The following PASD1 variants were observed in gnomAD, a reference collection of about 807,000 sequenced individuals.
The protein encoded by PASD1 is PAS domain containing repressor 1.
A neutral mutation model predicts 58.8 loss-of-function variants in PASD1; 13 were observed. That is an observed-to-expected ratio of 0.22 (90% CI 0.14 to 0.35). The LOEUF is 0.35. Ranked by LOEUF, PASD1 falls within the 10% of genes least tolerant of loss-of-function variation. PASD1 has a pLI of 1.00. For missense variants in PASD1, 734 were observed against 568.3 expected (o/e 1.29, Z -2.96); for synonymous variants, 236 against 216.7 (o/e 1.09, Z -0.78).
At chrX:151,581,355 C>CCAATG (rs766437552) in intron 1 of PASD1, among the ~76,000 whole-genome samples, 3,188 of 109,246 alleles carry the variant, frequency 0.029, 53 homozygotes, top group Non-Finnish European at 0.043. Context: ...CTTTGGGAGA[C>CCAATG]CAATGCAGGA....
rs2014467686 is a variant in PASD1 at position 151,671,479 on chromosome X, C to T, written c.1231-94C>T. 3.9e-6 allele frequency: 4 copies of T among 1,023,048 alleles called. No homozygotes were observed. In the Admixed American group the frequency reaches 9.5e-5, roughly 24 times the overall value. 84.3% of individuals were successfully genotyped at this position (1,023,048 alleles called of 1,213,427 possible). On this transcript the variant is annotated intron_variant, in intron 12 of 15. Coordinates refer to ENST00000370357, the MANE Select transcript of PASD1 (RefSeq NM_173493.3). Reference sequence around the variant, plus strand: ...TAGCCAAGGCTTCCTGTAGGCTTGCCTGTGGGCAGTCCTGCTCCATGCCCA... The same window carrying T: ...TAGCCAAGGCTTCCTGTAGGCTTGCTTGTGGGCAGTCCTGCTCCATGCCCA...
intron 1 of PASD1, among the ~76,000 whole-genome samples, chrX:151,564,502 T>TAAA: frequency 9.0e-6 from 1 of 111,035 alleles, no homozygotes; most frequent in East Asian, 2.8e-4. Context: ...TGGGCACACT[T>TAAA]ACACGGAGAG....
chrX:151,612,716 A>G (rs887439415), intron 4 of PASD1, among the ~76,000 whole-genome samples: 2 of 111,341 alleles, frequency 1.8e-5, no homozygotes, highest in African/African-American at 6.6e-5. Flanking sequence ...TCTGGATATT[A>G]GCCCTTTGTC....
chrX:151,673,563 G>C, intron 14 of PASD1: 1 of 246,468 alleles, frequency 4.1e-6, no homozygotes, highest in Non-Finnish European at 7.2e-6. Context: ...GAGAGCACTG[G>C]ATTTGGAGTT....
chrX:151,613,904 T>C lies in PASD1; in HGVS notation c.207+2151T>C, dbSNP rs1185667132. On this transcript the variant is annotated intron_variant, in intron 4 of 15. Coordinates refer to ENST00000370357, the MANE Select transcript of PASD1 (RefSeq NM_173493.3). ...TCGAAGATTAAGGTGCCAAGAGATT[T>C]GGTGTCTAGTGAGGGCCCAATCTCT... Among the ~76,000 whole-genome samples, 4 of 111,580 alleles carry C rather than the reference T, an allele frequency of 3.6e-5. No individual in the cohort carries two copies. In the Admixed American group the frequency reaches 3.8e-4, roughly 11 times the overall value.
chrX:151,575,561 A>G (rs2012991370), intron 1 of PASD1, among the ~76,000 whole-genome samples: 1 of 111,720 alleles, frequency 9.0e-6, no homozygotes, highest in Non-Finnish European at 1.9e-5. Flanking sequence ...ATATTTTACT[A>G]TGTACTTGTA....
At chrX:151,635,660 AC>A (rs2013922069) in intron 8 of PASD1, among the ~76,000 whole-genome samples, 2 of 112,111 alleles carry the variant, frequency 1.8e-5, no homozygotes, top group South Asian at 7.4e-4. Context: ...CAAAAAGAAA[AC>A]CTTCTAAATT....
chrX:151,627,744 G>A (rs1336317301), intron 8 of PASD1, among the ~76,000 whole-genome samples: 4 of 111,642 alleles, frequency 3.6e-5, no homozygotes, highest in African/African-American at 1.3e-4. Flanking sequence ...TGGGTCAAAT[G>A]GTATTTCTAG....
chrX:151,594,268 C>T (rs767965544), intron 1 of PASD1, among the ~76,000 whole-genome samples: 5 of 111,759 alleles, frequency 4.5e-5, no homozygotes, highest in Admixed American at 9.5e-5. Flanking sequence ...CCACCGTGCC[C>T]GGCTGATAAT....
At chrX:151,581,241 A>AAAAG (rs1344291560) in intron 1 of PASD1, among the ~76,000 whole-genome samples, 1 of 102,363 alleles carries the variant, frequency 9.8e-6, no homozygotes, top group African/African-American at 3.4e-5. Flanking sequence ...AAAAAAAAAA[A>AAAAG]AAAAAAAAAA....
At chrX:151,604,531 C>A in intron 2 of PASD1, 115 bp from the exon 3 acceptor site, 2 of 489,255 alleles carry the variant, frequency 4.1e-6, no homozygotes, top group Non-Finnish European at 6.9e-6. Flanking sequence ...TAGCACTCAG[C>A]ATTTTCTCAT....
At chrX:151,671,373 G>A (rs1470012525) in intron 12 of PASD1, among the ~76,000 whole-genome samples, 177 bp downstream of exon 12, 5 of 112,255 alleles carry the variant, frequency 4.5e-5, no homozygotes, top group Non-Finnish European at 9.4e-5. Flanking sequence ...CAGGGACTTA[G>A]AGTTTTGCCC....
chrX:151,618,530 C>T (rs1316771331), intron 4 of PASD1, among the ~76,000 whole-genome samples: 1 of 111,912 alleles, frequency 8.9e-6, no homozygotes, highest in Non-Finnish European at 1.9e-5. Flanking sequence ...GTGCCAAGCT[C>T]TGTTCTAGGT....
chrX:151,628,144 A>G (rs1412574783), intron 8 of PASD1, among the ~76,000 whole-genome samples: 32 of 110,562 alleles, frequency 2.9e-4, no homozygotes, highest in South Asian at 7.8e-4. Context: ...ATTTTCTCCC[A>G]TTCTGTAGGT....
intron 8 of PASD1, among the ~76,000 whole-genome samples, chrX:151,638,181 A>G (rs749921732): frequency 9.0e-6 from 1 of 110,624 alleles, no homozygotes; most frequent in African/African-American, 3.3e-5. Context: ...CATTCTCAGC[A>G]AATTATCACA....
At chrX:151,576,295 C>A (rs929700173) in intron 1 of PASD1, among the ~76,000 whole-genome samples, 22 of 111,797 alleles carry the variant, frequency 2.0e-4, no homozygotes, top group African/African-American at 7.2e-4. Flanking sequence ...CGTGAGCCAC[C>A]ATGCCTAGCA....
chrX:151,597,129 C>A (rs1458478067), intron 1 of PASD1, among the ~76,000 whole-genome samples: 1 of 111,760 alleles, frequency 8.9e-6, no homozygotes. Context: ...CTTTTTGATG[C>A]TGCCTTTCTC....
At chrX:151,651,216 G>A (rs1242525515) in intron 9 of PASD1, among the ~76,000 whole-genome samples, 1 of 111,694 alleles carries the variant, frequency 9.0e-6, no homozygotes, top group Non-Finnish European at 1.9e-5. Flanking sequence ...TAATGATATG[G>A]TTTGGATCTC....
At chrX:151,675,772 G>A (rs1239441092) in intron 15 of PASD1, among the ~76,000 whole-genome samples, 1 of 112,452 alleles carries the variant, frequency 8.9e-6, no homozygotes, top group Non-Finnish European at 1.9e-5. Context: ...GAAAGCCCAG[G>A]TCTGCTTCTG....
Sources: gnomAD v4.1 joint callset for allele counts (sites outside exome capture counted in the v4.1 genomes callset) on GRCh38, gnomAD v4.1.1 for gene constraint, MANE v1.5 for transcripts, NCBI Gene and HGNC (gene_info 2026-07-23, HGNC 2026-07-21) for gene names.